DRC2: variants seen among roughly 807,000 people sequenced by gnomAD.
The protein encoded by DRC2 is coiled-coil domain containing 65.
the DRC2 span, chr12:48,920,835 G>C: frequency 7.7e-6 from 9 of 1,173,930 alleles, no homozygotes; most frequent in Middle Eastern, 3.0e-4. Context: ...CCACTTGGAT[G>C]AGTAGCTTCC....
chr12:48,906,928 T>C, the DRC2 span, among the ~76,000 whole-genome samples: 1 of 150,824 alleles, frequency 6.6e-6, no homozygotes, highest in Non-Finnish European at 1.5e-5. Flanking sequence ...AAACACTTGA[T>C]AAGAGGGCCA....
At chr12:48,917,515 G>A in the DRC2 span, among the ~76,000 whole-genome samples, 1 of 152,106 alleles carries the variant, frequency 6.6e-6, no homozygotes, top group Non-Finnish European at 1.5e-5. Context: ...ACTAGAAGTA[G>A]AAGAGACCCC....
At chr12:48,910,486 G>C in the DRC2 span, among the ~76,000 whole-genome samples, 14 of 151,980 alleles carry the variant, frequency 9.2e-5, no homozygotes, top group South Asian at 2.9e-3. Flanking sequence ...TACAGTGAGT[G>C]GACTCAAGGT....
At chr12:48,909,146 C>T in the DRC2 span, among the ~76,000 whole-genome samples, 6 of 145,772 alleles carry the variant, frequency 4.1e-5, no homozygotes, top group Non-Finnish European at 8.9e-5. Flanking sequence ...TGGGTTCAAG[C>T]GATTCTTCTG....
chr12:48,918,261 G>T, the DRC2 span: 1 of 1,613,022 alleles, frequency 6.2e-7, no homozygotes, highest in Non-Finnish European at 8.5e-7. Context: ...TGCTATTTTG[G>T]GGTCACTTGC....
At chr12:48,915,921 G>A in the DRC2 span, among the ~76,000 whole-genome samples, 11 of 151,776 alleles carry the variant, frequency 7.2e-5, no homozygotes, top group Middle Eastern at 3.4e-3. Flanking sequence ...CCTCCCAGAC[G>A]GGGTGGCGGC....
chr12:48,904,810 C>T, the DRC2 span: 3 of 696,378 alleles, frequency 4.3e-6, no homozygotes, highest in Non-Finnish European at 6.9e-6. Flanking sequence ...AGGAAATTCA[C>T]CCTTGCCCTC....
At chr12:48,908,595 AT>A in the DRC2 span, among the ~76,000 whole-genome samples, 1 of 121,762 alleles carries the variant, frequency 8.2e-6, no homozygotes, top group East Asian at 2.6e-4. Flanking sequence ...TATTATTATT[AT>A]TATTATTATT....
At chr12:48,908,166 C>T in the DRC2 span, among the ~76,000 whole-genome samples, 1 of 152,090 alleles carries the variant, frequency 6.6e-6, no homozygotes, top group Admixed American at 6.6e-5. Flanking sequence ...GATCCTCCCA[C>T]CTCACCCTCT....
the DRC2 span, among the ~76,000 whole-genome samples, chr12:48,913,772 G>A: frequency 6.6e-6 from 1 of 152,136 alleles, no homozygotes; most frequent in South Asian, 2.1e-4. Flanking sequence ...TGGGATTACA[G>A]GCTTGTGCCA....
At chr12:48,905,653 T>C in the DRC2 span, among the ~76,000 whole-genome samples, 1 of 152,144 alleles carries the variant, frequency 6.6e-6, no homozygotes, top group Non-Finnish European at 1.5e-5. Context: ...TCTTGGGAGG[T>C]TCTTGAGTTC....
the DRC2 span, among the ~76,000 whole-genome samples, chr12:48,915,620 T>C: frequency 6.6e-6 from 1 of 151,772 alleles, no homozygotes; most frequent in Non-Finnish European, 1.5e-5. Flanking sequence ...CTCAATGAGC[T>C]GTTGGGCACA....
At chr12:48,906,698 T>TG in the DRC2 span, among the ~76,000 whole-genome samples, 1 of 151,976 alleles carries the variant, frequency 6.6e-6, no homozygotes, top group Non-Finnish European at 1.5e-5. Flanking sequence ...CCTGAATAGC[T>TG]GGGATTACAG....
chr12:48,920,181 C>G, the DRC2 span, among the ~76,000 whole-genome samples: 1 of 146,820 alleles, frequency 6.8e-6, no homozygotes, highest in African/African-American at 2.5e-5. Flanking sequence ...GTGGCTCACA[C>G]CTGTAATCCC....
chr12:48,915,759 C>T, the DRC2 span, among the ~76,000 whole-genome samples: 2 of 149,098 alleles, frequency 1.3e-5, no homozygotes, highest in East Asian at 2.0e-4. Context: ...CCGGATGGGG[C>T]GGCTGGCCGG....
the DRC2 span, among the ~76,000 whole-genome samples, chr12:48,917,324 C>T: frequency 1.9e-4 from 24 of 129,638 alleles, no homozygotes; most frequent in Middle Eastern, 5.0e-3. Flanking sequence ...AATAGCCAGG[C>T]GTGGTAGTGT....
At chr12:48,917,897 T>G in the DRC2 span, among the ~76,000 whole-genome samples, 2 of 152,204 alleles carry the variant, frequency 1.3e-5, no homozygotes, top group Non-Finnish European at 2.9e-5. Context: ...CCACAGTGTT[T>G]TATACAATTT....
At chr12:48,918,782 TA>T in the DRC2 span, 17 of 1,614,120 alleles carry the variant, frequency 1.1e-5, no homozygotes, top group Non-Finnish European at 1.4e-5. Context: ...TTGGTCCTTG[TA>T]CAACTGCGAA....
At chr12:48,904,152 A>C in the DRC2 span, 3 of 693,626 alleles carry the variant, frequency 4.3e-6, no homozygotes, top group Admixed American at 2.6e-5. Flanking sequence ...TTACAGTGGG[A>C]GAGCTCAGCC....
Sources: allele counts gnomAD v4.1 joint callset (sites outside exome capture counted in the v4.1 genomes callset), GRCh38; gene constraint gnomAD v4.1.1; transcripts MANE v1.5; gene names NCBI Gene and HGNC (gene_info 2026-07-23, HGNC 2026-07-21).